The following LANCL2 variants were observed in gnomAD, a reference collection of about 807,000 sequenced individuals.
LANCL2 encodes the protein LanC like glutathione S-transferase 2, also known as lanC-like protein 2.
In LANCL2, 33 loss-of-function variants were observed where a neutral mutation model predicts 56.9. That is an observed-to-expected ratio of 0.58 (90% CI 0.44 to 0.78). The LOEUF (loss-of-function observed/expected upper bound fraction) is 0.78, where lower values mean the gene tolerates loss of function less well. LANCL2 is among the 30% of genes least tolerant of loss of function. The pLI, the probability that LANCL2 is intolerant of heterozygous loss-of-function variation, is 0.00. For missense variants in LANCL2, 562 were observed against 580.2 expected (o/e 0.97, Z 0.32); for synonymous variants, 233 against 228.2 (o/e 1.02, Z -0.19).
chr7:55,380,035 C>G (rs116799647), intron 1 of LANCL2, among the ~76,000 whole-genome samples: 2 of 152,166 alleles, frequency 1.3e-5, no homozygotes, highest in African/African-American at 4.8e-5. Context: ...ATTTTACCAC[C>G]ATGGTTGAGT....
At chr7:55,392,502 C>T (rs573669171) in intron 2 of LANCL2, among the ~76,000 whole-genome samples, 25 of 151,108 alleles carry the variant, frequency 1.7e-4, no homozygotes, top group African/African-American at 5.6e-4. Context: ...AGGCACATGC[C>T]ACCACACCTG....
At chr7:55,367,988 CAAAAAT>C (rs1789894376) in intron 1 of LANCL2, among the ~76,000 whole-genome samples, 2 of 152,138 alleles carry the variant, frequency 1.3e-5, no homozygotes, top group South Asian at 4.1e-4. Context: ...TTTTTAATAA[CAAAAAT>C]AAAAATCTGG....
At chr7:55,389,149 G>A (rs1176413050) in intron 1 of LANCL2, among the ~76,000 whole-genome samples, 3 of 152,198 alleles carry the variant, frequency 2.0e-5, no homozygotes, top group Non-Finnish European at 4.4e-5. Flanking sequence ...GCCATGCTGT[G>A]TTACACAAGA....
intron 7 of LANCL2, among the ~76,000 whole-genome samples, chr7:55,426,299 T>C (rs1307238644): frequency 1.3e-5 from 2 of 152,216 alleles, no homozygotes; most frequent in African/African-American, 2.4e-5. Flanking sequence ...GCACTGGACA[T>C]GTGAAGATGA....
chr7:55,420,819 G>T (rs1039986951), intron 6 of LANCL2, among the ~76,000 whole-genome samples: 3 of 152,200 alleles, frequency 2.0e-5, no homozygotes, highest in East Asian at 1.9e-4. Context: ...TGTTTCGGCT[G>T]TTTGTTTACT....
chr7:55,424,930 T>G (rs1790647101), intron 6 of LANCL2, among the ~76,000 whole-genome samples: 1 of 152,178 alleles, frequency 6.6e-6, no homozygotes, highest in Admixed American at 6.5e-5. Flanking sequence ...CTTATGAGAA[T>G]CTAACTAATG....
chr7:55,410,044 A>G (rs1211175452), intron 5 of LANCL2, among the ~76,000 whole-genome samples: 2 of 152,228 alleles, frequency 1.3e-5, no homozygotes, highest in Non-Finnish European at 2.9e-5. Context: ...CTCATCTGCC[A>G]CAAGGGGAAA....
chr7:55,431,396 A>C lies in LANCL2; in HGVS notation c.*76A>C. ...TTGCTTAGTGCCTGACACAGAAACA[A>C]CTGGGAATCCTGAAAGAGAAGCAGA... On this transcript the variant is annotated 3_prime_UTR_variant, in exon 9 of 9. Coordinates refer to ENST00000254770, the MANE Select transcript of LANCL2 (RefSeq NM_018697.4). 3.0e-6 allele frequency: 3 copies of C among 997,472 alleles called. No individual in the cohort carries two copies. The highest frequency in any genetic ancestry group is 4.6e-6 in the Non-Finnish European group (3 of 657,806). 61.8% of individuals were successfully genotyped at this position (997,472 alleles called of 1,614,324 possible). A position where few individuals can be genotyped will look rare whatever the true frequency, so the allele number is the denominator to read the frequency against.
At chr7:55,410,131 C>A (rs1248826790) in intron 5 of LANCL2, among the ~76,000 whole-genome samples, 1 of 152,218 alleles carries the variant, frequency 6.6e-6, no homozygotes, top group East Asian at 1.9e-4. Context: ...AAGCAGCTAA[C>A]AACCACCACA....
chr7:55,400,404 T>C (rs1790308023), intron 4 of LANCL2, among the ~76,000 whole-genome samples: 2 of 152,218 alleles, frequency 1.3e-5, no homozygotes, highest in Non-Finnish European at 2.9e-5. Context: ...TTCAGGCTGG[T>C]ATGAGTGGGG....
At chr7:55,403,857 A>C (rs2128994273) in intron 5 of LANCL2, among the ~76,000 whole-genome samples, 1 of 152,164 alleles carries the variant, frequency 6.6e-6, no homozygotes. Flanking sequence ...GGCATGAGCC[A>C]CCGTGCCTGG....
intron 1 of LANCL2, among the ~76,000 whole-genome samples, chr7:55,372,964 A>G (rs1263125985): frequency 6.6e-6 from 1 of 152,174 alleles, no homozygotes; most frequent in Non-Finnish European, 1.5e-5. Context: ...TGGTGGTGAG[A>G]TGATAAGGAA....
chr7:55,406,973 C>G (rs12667064), intron 5 of LANCL2, among the ~76,000 whole-genome samples: 5 of 152,024 alleles, frequency 3.3e-5, no homozygotes, highest in Non-Finnish European at 7.4e-5. Flanking sequence ...TCAGTTTGTT[C>G]TACAGAACCC....
At chr7:55,396,299 C>T (rs983163118) in intron 2 of LANCL2, among the ~76,000 whole-genome samples, 26 of 151,980 alleles carry the variant, frequency 1.7e-4, no homozygotes, top group African/African-American at 6.3e-4. Flanking sequence ...CTCATAGGTT[C>T]GGGGGAAGGA....
At chr7:55,428,121 A>G (rs1379751906) in intron 7 of LANCL2, 3 of 550,390 alleles carry the variant, frequency 5.5e-6, no homozygotes, top group Non-Finnish European at 9.8e-6. Flanking sequence ...AGTGTCGTTG[A>G]GCCGTTCGGT....
At chr7:55,397,023 C>T (rs750071523) in intron 2 of LANCL2, 21 of 152,082 alleles carry the variant, frequency 1.4e-4, no homozygotes, top group Non-Finnish European at 2.9e-4. Flanking sequence ...ATTCTACTTT[C>T]ATATCCGTTT....
intron 1 of LANCL2, among the ~76,000 whole-genome samples, chr7:55,367,239 A>G (rs1185525055): frequency 6.6e-6 from 1 of 152,252 alleles, no homozygotes. Context: ...CATGCTTGGT[A>G]AAACCGTACC....
At chr7:55,418,879 A>G (rs1329683686) in intron 6 of LANCL2, among the ~76,000 whole-genome samples, 1 of 152,044 alleles carries the variant, frequency 6.6e-6, no homozygotes, top group Non-Finnish European at 1.5e-5. Flanking sequence ...AAACGCTCCT[A>G]TGGTTTTCCT....
Position 55,428,402 on chromosome 7 carries a change from G to A in LANCL2, c.1213G>A (p.Ala405Thr). The A allele has an allele frequency of 1.2e-6, 2 of 1,614,178 alleles. No homozygotes were observed. Among genetic ancestry groups the A allele is most frequent in the South Asian group, 2.2e-5 (2 of 91,084 alleles). The change falls in exon 8 of 9, where the codon GCA becomes ACA. Residue 405 changes from alanine (A) to threonine (T), a missense_variant. Coordinates refer to ENST00000254770, the MANE Select transcript of LANCL2 (RefSeq NM_018697.4). Reference protein sequence around the residue: ...KFAEWCLDYGAHGCRIPDRPY... With the variant: ...KFAEWCLDYGTHGCRIPDRPY... ...TGCAGAGTGGTGTCTAGATTACGGA[G>A]CACACGGGTGCCGCATTCCTGACAG...
Sources: gnomAD v4.1 joint callset for allele counts (sites outside exome capture counted in the v4.1 genomes callset) on GRCh38, gnomAD v4.1.1 for gene constraint, MANE v1.5 for transcripts, NCBI Gene and HGNC (gene_info 2026-07-23, HGNC 2026-07-21) for gene names.